The following CEP295 variants were observed in gnomAD, a reference collection of about 807,000 sequenced individuals.
CEP295 encodes centrosomal protein 295, also known as centrosomal protein of 295 kDa.
In CEP295, 190 loss-of-function variants were observed where a neutral mutation model predicts 291.6. The ratio of observed to expected loss-of-function variants is 0.65; its 90% CI spans 0.58 to 0.73. The LOEUF is 0.73. Among genes scored for constraint, CEP295 ranks in the 30% least tolerant of loss-of-function variants. The pLI, the probability that CEP295 is intolerant of heterozygous loss-of-function variation, is 0.00. For synonymous variants in CEP295, 993 were observed against 1,038.8 expected, an observed-to-expected ratio of 0.96 and a Z score of 0.85; for missense variants, 2,863 against 2,949.4, an observed-to-expected ratio of 0.97 and a Z score of 0.68.
intron 17 of CEP295, among the ~76,000 whole-genome samples, chr11:93,704,973 CT>C (rs2135174283): frequency 6.6e-6 from 1 of 151,988 alleles, no homozygotes; most frequent in African/African-American, 2.4e-5. Context: ...ATACATAGAC[CT>C]TTTTTGCTGC....
At chr11:93,676,016 T>C (rs530950912) in intron 6 of CEP295, among the ~76,000 whole-genome samples, 2 of 152,184 alleles carry the variant, frequency 1.3e-5, no homozygotes, top group African/African-American at 4.8e-5. Context: ...ATATAGTTAA[T>C]GTTTTAATAA....
chr11:93,666,464 T>G (rs1047344521), intron 1 of CEP295, among the ~76,000 whole-genome samples: 2 of 151,968 alleles, frequency 1.3e-5, no homozygotes, highest in African/African-American at 4.8e-5. Context: ...CGTGGTGGCA[T>G]GCACCTGTAA....
At chr11:93,711,951 A>G (rs1350955445) in intron 18 of CEP295, among the ~76,000 whole-genome samples, 2 of 152,030 alleles carry the variant, frequency 1.3e-5, no homozygotes, top group Non-Finnish European at 2.9e-5. Context: ...TGTTCTGTAA[A>G]TATCTGTTAG....
chr11:93,694,953 T>C (rs1951776484), intron 12 of CEP295, among the ~76,000 whole-genome samples: 1 of 152,168 alleles, frequency 6.6e-6, no homozygotes, highest in Admixed American at 6.5e-5. Context: ...AGAGTGTGAG[T>C]GTGCTTGTAT....
rs1344136187 is a variant in CEP295, at chr11:93,697,538, CAGAA to C, written c.2631_2634del (p.Glu878TrpfsTer14). 6.4e-7 allele frequency: 1 copy of C among 1,551,724 alleles called. No homozygotes were observed. Among genetic ancestry groups the C allele is most frequent in the Middle Eastern group, 1.7e-4 (1 of 5,992 alleles). Reference sequence around the variant, plus strand: ...TCAGGAACAGTTGCTTTTGTGCAAACAGAAAGAAGTGGAACAGCAAACGGGCCTC... The same window carrying C: ...TCAGGAACAGTTGCTTTTGTGCAAACAGAAGTGGAACAGCAAACGGGCCTC... On this transcript the variant is annotated frameshift_variant, in exon 15 of 30. Coordinates refer to ENST00000325212, the MANE Select transcript of CEP295 (RefSeq NM_033395.2). LOFTEE classifies it high-confidence loss of function.
intron 15 of CEP295, among the ~76,000 whole-genome samples, chr11:93,701,653 G>T (rs1365175556): frequency 6.6e-6 from 1 of 152,182 alleles, no homozygotes; most frequent in Admixed American, 6.5e-5. Context: ...CACCAGGCTG[G>T]AGTGCCGTGA....
intron 7 of CEP295, among the ~76,000 whole-genome samples, chr11:93,679,984 GAC>G (rs1402349893): frequency 1.3e-5 from 2 of 152,116 alleles, no homozygotes; most frequent in African/African-American, 2.4e-5. Flanking sequence ...TTTAAAAAGT[GAC>G]AGTCAATAGG....
In CEP295 at chr11:93,684,041, C is replaced by A; in HGVS notation, c.1027C>A (p.Leu343Met). 4 of 1,551,710 alleles carry A rather than the reference C, an allele frequency of 2.6e-6. No individual in the cohort carries two copies. Among genetic ancestry groups the A allele is most frequent in the Non-Finnish European group, 3.5e-6 (4 of 1,146,976 alleles). ...TVTNQIQDEE[L>M]DLSMEQENLG... is the part of the protein sequence containing the mutation. ...GACTAATCAGATCCAAGATGAAGAG[C>A]TGGACCTTTCAATGGAACAAGAAAA... The change falls in exon 9 of 30, where the codon CTG becomes ATG. Residue 343 changes from leucine (L) to methionine (M), a missense_variant. This residue lies in a region of CEP295 where 554 missense variants were observed against 576.0 expected (regional missense o/e 0.96). Coordinates refer to ENST00000325212, the MANE Select transcript of CEP295 (RefSeq NM_033395.2).
At chr11:93,729,117 GA>G in intron 25 of CEP295, 1 of 492,876 alleles carries the variant, frequency 2.0e-6, no homozygotes, top group Non-Finnish European at 3.6e-6. Flanking sequence ...CCCAGATATT[GA>G]AAAATGACTT....
intron 10 of CEP295, among the ~76,000 whole-genome samples, chr11:93,688,629 A>G (rs757219446): frequency 1.6e-4 from 24 of 152,224 alleles, no homozygotes; most frequent in Non-Finnish European, 3.1e-4. Flanking sequence ...GTTTATCCAC[A>G]TCTCCATAAT....
chr11:93,672,516 A>G (rs1437392869), intron 5 of CEP295, among the ~76,000 whole-genome samples: 7 of 151,542 alleles, frequency 4.6e-5, no homozygotes. Context: ...TTGAACTCCC[A>G]GGCTAAAGCA....
chr11:93,684,552 C>T (rs1380993566), intron 9 of CEP295, among the ~76,000 whole-genome samples: 1 of 152,194 alleles, frequency 6.6e-6, no homozygotes, highest in Non-Finnish European at 1.5e-5. Context: ...AACATCTGAG[C>T]CCCTGTCCCA....
intron 24 of CEP295, 197 bp from the exon 25 acceptor site, chr11:93,728,484 A>C: frequency 2.2e-6 from 1 of 464,616 alleles, no homozygotes; most frequent in Non-Finnish European, 3.8e-6. Context: ...AGTAGGCTCC[A>C]GTATTTCTAC....
intron 5 of CEP295, among the ~76,000 whole-genome samples, chr11:93,675,276 A>G (rs1409709526): frequency 1.3e-5 from 2 of 152,180 alleles, no homozygotes; most frequent in Non-Finnish European, 2.9e-5. Context: ...AAGCCCTTCT[A>G]TATTCAGGAG....
chr11:93,666,927 G>A (rs1950228331), intron 2 of CEP295, 112 bp downstream of exon 2: 2 of 595,712 alleles, frequency 3.4e-6, no homozygotes, highest in South Asian at 2.6e-5. Context: ...CTGGGTATAC[G>A]AGAGCCCTGG....
chr11:93,696,931 T>A lies in CEP295; in HGVS notation c.2019T>A (p.His673Gln). 2 of 1,552,034 alleles carry A rather than the reference T, an allele frequency of 1.3e-6. No homozygotes were observed. Among genetic ancestry groups the A allele is most frequent in the Non-Finnish European group, 1.7e-6 (2 of 1,147,076 alleles). The change falls in exon 15 of 30, where the codon CAT becomes CAA. Residue 673 changes from histidine to glutamine, a missense_variant. By Grantham distance (24) the His-to-Gln change is conservative. Around this residue, in one of 3 missense-constraint regions of CEP295, gnomAD observed 2,295 missense variants for 2,335.7 expected, o/e 0.98. Coordinates refer to ENST00000325212, the MANE Select transcript of CEP295 (RefSeq NM_033395.2). ...PIQTSKLEQD[H>Q]FQVARQNHFP... is the part of the protein sequence containing the mutation. ...AGACCTCCAAATTAGAACAAGATCA[T>A]TTTCAGGTAGCGAGACAAAATCACT...
intron 10 of CEP295, among the ~76,000 whole-genome samples, chr11:93,688,820 C>T (rs1288514205): frequency 6.6e-6 from 1 of 152,156 alleles, no homozygotes; most frequent in African/African-American, 2.4e-5. Context: ...ACTTATTTAA[C>T]TGTTTCCTTC....
In CEP295 at chr11:93,691,751, G is replaced by A; in HGVS notation, c.1405G>A (p.Gly469Ser). ...LASEDKPLSCGTNSGKEQEIN... is the reference protein window; with the variant it reads ...LASEDKPLSCSTNSGKEQEIN... ...TAGTGAAGATAAACCACTTTCGTGT[G>A]GTACAAACTCTGGAAAAGAACAAGG... Residue 469 changes from glycine (G) to serine (S), a missense_variant, in exon 11 of 30, where the codon GGT becomes AGT. Around this residue, in one of 3 missense-constraint regions of CEP295, gnomAD observed 554 missense variants for 576.0 expected, o/e 0.96. Coordinates refer to ENST00000325212, the MANE Select transcript of CEP295 (RefSeq NM_033395.2). 6.5e-7 allele frequency: 1 copy of A among 1,544,362 alleles called. No homozygotes were observed. The highest frequency in any genetic ancestry group is 8.7e-7 in the Non-Finnish European group (1 of 1,143,980).
At chr11:93,694,757 T>C (rs1951767239) in intron 12 of CEP295, among the ~76,000 whole-genome samples, 1 of 152,234 alleles carries the variant, frequency 6.6e-6, no homozygotes, top group Non-Finnish European at 1.5e-5. Context: ...CTTAGAATAG[T>C]GCATAATTTA....
Sources: allele counts gnomAD v4.1 joint callset (sites outside exome capture counted in the v4.1 genomes callset), GRCh38; gene constraint gnomAD v4.1.1; regional missense constraint gnomAD v4.1.1; transcripts MANE v1.5; gene names NCBI Gene and HGNC (gene_info 2026-07-23, HGNC 2026-07-21).